Variants in UBN1 observed in about 807,000 individuals in gnomAD.
UBN1 encodes the protein ubinuclein-1.
In UBN1, 17 loss-of-function variants were observed where a neutral mutation model predicts 108.5. That is an observed-to-expected ratio of 0.16 (90% CI 0.11 to 0.24). The LOEUF is 0.24. Among genes scored for constraint, UBN1 ranks in the 10% least tolerant of loss-of-function variants. UBN1 has a pLI of 1.00. For synonymous variants in UBN1, 726 were observed against 564.2 expected, an observed-to-expected ratio of 1.29 and a Z score of -4.07; for missense variants, 1,595 against 1,394.4, an observed-to-expected ratio of 1.14 and a Z score of -2.29.
rs779735604 is a variant in UBN1 at position 4,874,816 on chromosome 16, C to G, written c.2406C>G (p.Pro802=). Reference sequence around the variant, plus strand: ...AAGTGGCAGTTCCTGTGCCTGGCCCCCAGGTCAAAGTCTTTCATGCCGGCA... The same window carrying G: ...AAGTGGCAGTTCCTGTGCCTGGCCCGCAGGTCAAAGTCTTTCATGCCGGCA... ...GPQVAVPVPG[P]QVKVFHAGTQ... The change falls in exon 15 of 18, where the codon CCC becomes CCG. Residue 802 remains proline, a synonymous_variant. Transcript: ENST00000262376. 1.2e-6 allele frequency: 2 copies of G among 1,614,124 alleles called. No individual in the cohort carries two copies. The highest frequency in any genetic ancestry group is 1.7e-6 in the Non-Finnish European group (2 of 1,180,040).
chr16:4,863,682 T>C (rs2087177249), intron 7 of UBN1, among the ~76,000 whole-genome samples: 1 of 152,124 alleles, frequency 6.6e-6, no homozygotes, highest in Admixed American at 6.5e-5. Flanking sequence ...GACACACAAA[T>C]CAGTTTCTAT....
Position 4,877,877 on chromosome 16 carries a change from C to A in UBN1, c.3355+403C>A. ...GTACAACAAGGTCTTGGAATGCAAG[C>A]TGCTCCACTGTCAGATGTGATTGCT... On this transcript the variant is annotated intron_variant, in intron 17 of 17. Coordinates refer to ENST00000262376, the MANE Select transcript of UBN1 (RefSeq NM_001079514.3). This position sits in a 1 kb window ranked among gnomAD's most constrained non-coding sequence, Gnocchi z 4.3. 1.0e-6 allele frequency: 1 copy of A among 963,456 alleles called. No homozygotes were observed. The highest frequency in any genetic ancestry group is 1.2e-6 in the Non-Finnish European group (1 of 808,272). 59.7% of individuals were successfully genotyped at this position (963,456 alleles called of 1,614,324 possible). A position where few individuals can be genotyped will look rare whatever the true frequency, so the allele number is the denominator to read the frequency against.
In UBN1 at chr16:4,859,084, G is replaced by C; in HGVS notation, c.492G>C (p.Ser164=). The change falls in exon 5 of 18, where the codon TCG becomes TCC. Residue 164 remains serine (S), a synonymous_variant. Transcript: ENST00000262376. ...TTKYGGFYIN[S]GTLQFRQASE... ...AGTATGGAGGATTTTACATTAACTC[G>C]GGAACCCTGCAGTTTAGACAAGCAT... The C allele has an allele frequency of 1.2e-6, 2 of 1,614,132 alleles. No individual in the cohort carries two copies. Among genetic ancestry groups the C allele is most frequent in the Non-Finnish European group, 1.7e-6 (2 of 1,180,022 alleles).
At chr16:4,861,123 T>TG in intron 7 of UBN1, 21 bp downstream of exon 7, 3 of 1,594,212 alleles carry the variant, frequency 1.9e-6, no homozygotes, top group Non-Finnish European at 2.6e-6. Flanking sequence ...ACAGTGCGGC[T>TG]GGGCTTTCCT....
Position 4,852,874 on chromosome 16 carries a change from A to G in UBN1, c.-39-5A>G. The G allele has an allele frequency of 6.3e-7, 1 of 1,576,214 alleles. No homozygotes were observed. ...TGACCTGGCCCTTCTTTTCAATGTT[A>G]ACAGAAGCCATGCAGTGACACCCGC... On this transcript the variant is annotated splice_polypyrimidine_tract_variant and splice_region_variant and intron_variant, in intron 1 of 17. Transcript: ENST00000262376.
At chr16:4,871,438 T>A in intron 12 of UBN1, 137 bp downstream of exon 12, 1 of 1,238,332 alleles carries the variant, frequency 8.1e-7, no homozygotes, top group South Asian at 1.7e-5. Context: ...CCTGAGTAAC[T>A]GGGGGACATG....
intron 7 of UBN1, among the ~76,000 whole-genome samples, chr16:4,866,962 TG>T (rs2087365110): frequency 6.6e-6 from 1 of 152,102 alleles, no homozygotes; most frequent in African/African-American, 2.4e-5. Context: ...GAGAGGCTCT[TG>T]GGGGGCATAT....
intron 7 of UBN1, among the ~76,000 whole-genome samples, chr16:4,865,543 C>T (rs1233309438): frequency 1.3e-5 from 2 of 152,054 alleles, no homozygotes; most frequent in Non-Finnish European, 2.9e-5. Context: ...TGGTTGCGTG[C>T]AGCTGTAGTC....
At chr16:4,864,735 A>G (rs1043375368) in intron 7 of UBN1, among the ~76,000 whole-genome samples, 2 of 152,212 alleles carry the variant, frequency 1.3e-5, no homozygotes, top group Non-Finnish European at 2.9e-5. Flanking sequence ...CAAGCATAAC[A>G]TAGAGACAAT....
intron 3 of UBN1, 145 bp downstream of exon 3, chr16:4,858,221 C>A: frequency 1.4e-6 from 1 of 696,612 alleles, no homozygotes; most frequent in African/African-American, 1.8e-5. Context: ...GTTATTAAAC[C>A]TAACGCATTA....
Position 4,864,763 on chromosome 16 carries a change from A to G in UBN1, c.1110+3661A>G, listed in dbSNP as rs1001302. 8.9e-3 allele frequency among the ~76,000 whole-genome samples: 1,362 copies of G among 152,300 alleles called. 23 individuals carry two copies. The highest frequency in any genetic ancestry group is 0.031 in the African/African-American group (1,309 of 41,566). On this transcript the variant is annotated intron_variant, in intron 7 of 17. Transcript: ENST00000262376. Reference sequence around the variant, plus strand: ...GAGACAATACTAAGAGCAGGAATCAAAGAGACCCCATGTCACCCATTCTGC... The same window carrying G: ...GAGACAATACTAAGAGCAGGAATCAGAGAGACCCCATGTCACCCATTCTGC...
intron 7 of UBN1, among the ~76,000 whole-genome samples, chr16:4,864,365 A>G (rs2087221080): frequency 6.6e-6 from 1 of 152,162 alleles, no homozygotes; most frequent in Admixed American, 6.5e-5. Context: ...TTCTAACTAA[A>G]TATGGTACTT....
At chr16:4,876,180 G>A (rs1259488041) in intron 15 of UBN1, among the ~76,000 whole-genome samples, 5 of 152,000 alleles carry the variant, frequency 3.3e-5, no homozygotes, top group African/African-American at 7.3e-5. Context: ...GGATAGTCTC[G>A]ATCTCCTGAC....
At chr16:4,855,644 C>T (rs779445038) in intron 2 of UBN1, among the ~76,000 whole-genome samples, 110 of 149,966 alleles carry the variant, frequency 7.3e-4, no homozygotes, top group Admixed American at 1.2e-3. Context: ...GAAGGCCTGG[C>T]GCAGTGACTC....
Position 4,877,770 on chromosome 16 carries a change from C to A in UBN1, c.3355+296C>A, listed in dbSNP as rs973181229. On this transcript the variant is annotated intron_variant, in intron 17 of 17. Transcript: ENST00000262376. This position sits in a 1 kb window ranked among gnomAD's most constrained non-coding sequence, Gnocchi z 4.3. ...TTGTGTGCGGTGGAGGAGTTCCTAA[C>A]CCTCGGCTTGTTTTTTTCTCTTCAG... The A allele has an allele frequency of 5.1e-5, 59 of 1,147,020 alleles. No homozygotes were observed. The highest frequency in any genetic ancestry group is 3.5e-4 in the Middle Eastern group (1 of 2,858). The allele number at this position is 1,147,020 out of a possible 1,614,324, so 71.1% of individuals were successfully genotyped here. A position where few individuals can be genotyped will look rare whatever the true frequency, so the allele number is the denominator to read the frequency against.
Position 4,879,986 on chromosome 16 carries a change from C to A in UBN1, c.3356-97C>A, listed in dbSNP as rs766359962. On this transcript the variant is annotated intron_variant, in intron 17 of 17. Coordinates refer to ENST00000262376, the MANE Select transcript of UBN1 (RefSeq NM_001079514.3). The stretch of plus-strand genomic sequence containing the variant: ...AACACTCAGCATTTGGGGACTTTTG[C>A]TATTTAGGTGTCTCCCTTGAAGTTT... The A allele has an allele frequency of 4.1e-5, 55 of 1,325,742 alleles. 1 individual carries two copies. Among genetic ancestry groups the A allele is most frequent in the Admixed American group, 5.1e-5 (3 of 58,826 alleles). 82.1% of individuals were successfully genotyped at this position (1,325,742 alleles called of 1,614,324 possible).
At chr16:4,878,662 C>T (rs1296206977) in intron 17 of UBN1, among the ~76,000 whole-genome samples, 1 of 152,162 alleles carries the variant, frequency 6.6e-6, no homozygotes, top group African/African-American at 2.4e-5. Flanking sequence ...GGGGTCTTTC[C>T]AAAGTCAGGC....
chr16:4,862,895 A>G (rs887591404), intron 7 of UBN1, among the ~76,000 whole-genome samples: 7 of 152,246 alleles, frequency 4.6e-5, no homozygotes, highest in South Asian at 2.1e-4. Flanking sequence ...TAACAAACAC[A>G]GGGTTCAGGA....
Position 4,859,700 on chromosome 16 carries a change from A to G in UBN1, c.568-165A>G, listed in dbSNP as rs151107364. On this transcript the variant is annotated intron_variant, in intron 5 of 17. Transcript: ENST00000262376. ...TTTCCAGGAGACACCGTCGGTGGGAATGCTGTGGGTTTGTGGTCCAGGGAC... is the reference window on the plus strand; with the variant it reads ...TTTCCAGGAGACACCGTCGGTGGGAGTGCTGTGGGTTTGTGGTCCAGGGAC... 4.1e-4 allele frequency among the ~76,000 whole-genome samples: 62 copies of G among 152,252 alleles called. 1 individual carries two copies. Among genetic ancestry groups the G allele is most frequent in the African/African-American group, 1.4e-3 (60 of 41,556 alleles).
Sources: allele counts gnomAD v4.1 joint callset (sites outside exome capture counted in the v4.1 genomes callset), GRCh38; gene constraint gnomAD v4.1.1; non-coding constraint Gnocchi (gnomAD v3.1); transcripts MANE v1.5; gene names NCBI Gene and HGNC (gene_info 2026-07-23, HGNC 2026-07-21).